The following NUDT3 variants were observed in gnomAD, a reference collection of about 807,000 sequenced individuals.
NUDT3 encodes the protein nudix hydrolase 3.
Under a neutral mutation model 23.6 loss-of-function variants are expected in NUDT3, and 9 were observed. The observed-to-expected ratio is 0.38, with a 90% CI of 0.23 to 0.66. The LOEUF (loss-of-function observed/expected upper bound fraction) is 0.66. Ranked by LOEUF, NUDT3 falls within the 30% of genes least tolerant of loss-of-function variation. The pLI, the probability that NUDT3 is intolerant of heterozygous loss-of-function variation, is 0.52. For missense variants in NUDT3, 172 were observed against 218.5 expected, an observed-to-expected ratio of 0.79 and a Z score of 1.34; for synonymous variants, 86 against 82.6, an observed-to-expected ratio of 1.04 and a Z score of -0.22.
intron 1 of NUDT3, among the ~76,000 whole-genome samples, chr6:34,346,077 T>C (rs1471429504): frequency 6.6e-6 from 1 of 152,150 alleles, no homozygotes; most frequent in African/African-American, 2.4e-5. Context: ...CCAAGTTTTA[T>C]ATTACTAAAT....
At chr6:34,333,627 A>G (rs1317205960) in intron 2 of NUDT3, among the ~76,000 whole-genome samples, 1 of 152,222 alleles carries the variant, frequency 6.6e-6, no homozygotes, top group African/African-American at 2.4e-5. Context: ...CTCTCCTGTA[A>G]AATGTAGATA....
At chr6:34,373,668 A>G (rs1230981672) in intron 1 of NUDT3, among the ~76,000 whole-genome samples, 1 of 152,222 alleles carries the variant, frequency 6.6e-6, no homozygotes, top group Non-Finnish European at 1.5e-5. Context: ...CATGTTTCTG[A>G]CAAATTCAGC....
At position 34,373,274 on chromosome 6, in the gene NUDT3, G is replaced by A. The variant is rs551596362; in HGVS notation, c.99+18990C>T. ...AGCCTGGGCGACTGAGAAAGACTCC[G>A]TCTCAAAAAAAAAAAAAAAGTGTAT... On this transcript the variant is annotated intron_variant, in intron 1 of 4. Transcript: ENST00000607016. Among the ~76,000 whole-genome samples the A allele has an allele frequency of 3.7e-3, 510 of 139,092 alleles. 1 individual carries two copies. The highest frequency in any genetic ancestry group is 0.012 in the African/African-American group (434 of 35,986). The allele number at this position is 139,092 out of a possible 152,430, so 91.2% of individuals were successfully genotyped here.
At chr6:34,358,050 C>T (rs1216966513) in intron 1 of NUDT3, among the ~76,000 whole-genome samples, 1 of 152,138 alleles carries the variant, frequency 6.6e-6, no homozygotes, top group Non-Finnish European at 1.5e-5. Flanking sequence ...TTGAAGTCTA[C>T]TTCTGGACTA....
At position 34,288,482 on chromosome 6, in the gene NUDT3, A is replaced by C; in HGVS notation, c.*271T>G. ...GGGAAGGCTGTTGGCCTCTCTTCAG[A>C]GGACTGCAGGGGTGGGAAGAGGGAG... On this transcript the variant is annotated 3_prime_UTR_variant, in exon 5 of 5. Transcript: ENST00000607016. 3.0e-6 allele frequency: 1 copy of C among 338,268 alleles called. No homozygotes were observed. The highest frequency in any genetic ancestry group is 4.9e-5 in the Admixed American group (1 of 20,406). The allele number at this position is 338,268 out of a possible 1,614,324, so 21.0% of individuals were successfully genotyped here.
At chr6:34,348,343 G>A (rs924475312) in intron 1 of NUDT3, among the ~76,000 whole-genome samples, 5 of 151,940 alleles carry the variant, frequency 3.3e-5, no homozygotes, top group Admixed American at 1.3e-4. Flanking sequence ...ATAGCCAGGC[G>A]TGGTGGTGCA....
chr6:34,349,050 C>A (rs184518712), intron 1 of NUDT3, among the ~76,000 whole-genome samples: 51 of 151,966 alleles, frequency 3.4e-4, no homozygotes, highest in African/African-American at 1.2e-3. Context: ...TATTAACCAC[C>A]AAGCCTGGTT....
intron 1 of NUDT3, among the ~76,000 whole-genome samples, chr6:34,356,420 C>T (rs771733806): frequency 6.6e-6 from 1 of 152,020 alleles, no homozygotes; most frequent in Non-Finnish European, 1.5e-5. Context: ...CCATGACCAA[C>T]AGGAAATATA....
At chr6:34,379,208 T>C (rs1194348689) in intron 1 of NUDT3, among the ~76,000 whole-genome samples, 3 of 152,032 alleles carry the variant, frequency 2.0e-5, no homozygotes, top group Non-Finnish European at 2.9e-5. Flanking sequence ...TTAGATTTGC[T>C]AAATGTGTGA....
At chr6:34,352,485 A>G (rs1033600537) in intron 1 of NUDT3, among the ~76,000 whole-genome samples, 1 of 152,198 alleles carries the variant, frequency 6.6e-6, no homozygotes, top group Non-Finnish European at 1.5e-5. Context: ...GCTTATTTTA[A>G]TAAACAAAGC....
Position 34,392,420 on chromosome 6 carries a change from C to A in NUDT3, c.-58G>T. The A allele has an allele frequency of 7.3e-7, 1 of 1,372,752 alleles. No homozygotes were observed. The highest frequency in any genetic ancestry group is 2.6e-5 in the East Asian group (1 of 38,508). 85.0% of individuals were successfully genotyped at this position (1,372,752 alleles called of 1,614,324 possible). On this transcript the variant is annotated 5_prime_UTR_variant, in exon 1 of 5. Transcript: ENST00000607016. ...CGCAGGAGTCGAGGGGTGGGGAGCCCGCTCTGGACGGCCGCGTGCGCGCGC... is the reference window on the plus strand; with the variant it reads ...CGCAGGAGTCGAGGGGTGGGGAGCCAGCTCTGGACGGCCGCGTGCGCGCGC...
intron 1 of NUDT3, among the ~76,000 whole-genome samples, chr6:34,361,181 A>G (rs906954360): frequency 1.4e-4 from 22 of 152,154 alleles, no homozygotes; most frequent in African/African-American, 4.8e-4. Context: ...TGATCACACC[A>G]CTGGCACTCT....
chr6:34,372,959 T>C (rs1764855700), intron 1 of NUDT3, among the ~76,000 whole-genome samples: 1 of 151,586 alleles, frequency 6.6e-6, no homozygotes, highest in Admixed American at 6.6e-5. Context: ...GGCTTTAATA[T>C]ATATACATAG....
At chr6:34,319,761 C>T (rs1763912201) in intron 2 of NUDT3, among the ~76,000 whole-genome samples, 6 of 152,190 alleles carry the variant, frequency 3.9e-5, no homozygotes, top group Admixed American at 3.9e-4. Context: ...CTTCCTCTAA[C>T]ATATGGGGTA....
rs1328241325 is a variant in NUDT3, at chr6:34,392,485, C to G, written c.-123G>C. ...CAAGGGAAGCAGGGAGGGGGAGCTTCTCCGCTACACGGCTCCGCCGCTGGC... is the reference window on the plus strand; with the variant it reads ...CAAGGGAAGCAGGGAGGGGGAGCTTGTCCGCTACACGGCTCCGCCGCTGGC... On this transcript the variant is annotated 5_prime_UTR_variant, in exon 1 of 5. Coordinates refer to ENST00000607016, the MANE Select transcript of NUDT3 (RefSeq NM_006703.4). The G allele has an allele frequency of 6.7e-6, 4 of 597,524 alleles. No homozygotes were observed. The highest frequency in any genetic ancestry group is 1.1e-5 in the Non-Finnish European group (4 of 352,710). The allele number at this position is 597,524 out of a possible 1,614,324, so 37.0% of individuals were successfully genotyped here.
chr6:34,347,560 T>C (rs1764393571), intron 1 of NUDT3, among the ~76,000 whole-genome samples: 1 of 152,224 alleles, frequency 6.6e-6, no homozygotes, highest in African/African-American at 2.4e-5. Flanking sequence ...AAAAACATTT[T>C]ATTGATTAGT....
In NUDT3 at chr6:34,356,535, A is replaced by G. The variant is rs145521091; in HGVS notation, c.100-14563T>C. On this transcript the variant is annotated intron_variant, in intron 1 of 4. Coordinates refer to ENST00000607016, the MANE Select transcript of NUDT3 (RefSeq NM_006703.4). ...CAGGAGTTAACTTGAAAAGGCTCAC[A>G]CTGGTCAAAAATGGGCCAGTAAGAA... Among the ~76,000 whole-genome samples the G allele has an allele frequency of 9.2e-3, 1,399 of 152,292 alleles. 15 individuals carry two copies. The highest frequency in any genetic ancestry group is 0.024 in the Middle Eastern group (7 of 294).
intron 2 of NUDT3, among the ~76,000 whole-genome samples, chr6:34,332,750 C>T (rs1333314163): frequency 6.6e-6 from 1 of 152,124 alleles, no homozygotes; most frequent in Non-Finnish European, 1.5e-5. Flanking sequence ...GAAACCAATA[C>T]CAAGGAATGG....
intron 1 of NUDT3, among the ~76,000 whole-genome samples, chr6:34,350,987 G>A (rs1443731357): frequency 3.3e-5 from 5 of 149,964 alleles, no homozygotes; most frequent in South Asian, 4.2e-4. Context: ...GGCGCCAGGC[G>A]CAGTGGCTCA....
Sources: allele counts gnomAD v4.1 joint callset (sites outside exome capture counted in the v4.1 genomes callset), GRCh38; gene constraint gnomAD v4.1.1; transcripts MANE v1.5; gene names NCBI Gene and HGNC (gene_info 2026-07-23, HGNC 2026-07-21).